Variants in CEP112 observed in about 807,000 individuals in gnomAD.
CEP112 encodes centrosomal protein of 112 kDa.
CEP112 carries 127 observed loss-of-function variants against 153.0 expected under a neutral mutation model. The ratio of observed to expected loss-of-function variants is 0.83; its 90% CI spans 0.72 to 0.96. The LOEUF (loss-of-function observed/expected upper bound fraction) is 0.96. CEP112 is among the 40% of genes least tolerant of loss of function. The probability of loss-of-function intolerance (pLI) is 0.00; values close to 1 mark genes in which losing one functional copy is unlikely to be tolerated. For missense variants in CEP112, 1,089 were observed against 1,101.2 expected (o/e 0.99, Z 0.16); for synonymous variants, 358 against 374.4 (o/e 0.96, Z 0.51).
intron 2 of CEP112, among the ~76,000 whole-genome samples, chr17:66,177,508 T>G (rs2072534242): frequency 6.6e-6 from 1 of 152,236 alleles, no homozygotes; most frequent in Admixed American, 6.5e-5. Context: ...AGGCATGTAA[T>G]GTATAATAGT....
At chr17:66,035,791 C>T (rs1432607148) in intron 12 of CEP112, among the ~76,000 whole-genome samples, 2 of 152,114 alleles carry the variant, frequency 1.3e-5, no homozygotes, top group Non-Finnish European at 2.9e-5. Context: ...AACTTTTGCT[C>T]CAAGAACCAC....
At chr17:65,649,295 G>A (rs2045618143) in intron 24 of CEP112, among the ~76,000 whole-genome samples, 1 of 152,234 alleles carries the variant, frequency 6.6e-6, no homozygotes, top group African/African-American at 2.4e-5. Context: ...ATTGTCTTTT[G>A]AGGAGCTGAG....
intron 17 of CEP112, among the ~76,000 whole-genome samples, chr17:65,969,691 G>A (rs1410985218): frequency 6.6e-6 from 1 of 152,120 alleles, no homozygotes; most frequent in African/African-American, 2.4e-5. Context: ...TGTATTGTAT[G>A]CATATTACAC....
chr17:66,017,924 C>G (rs543619638), intron 16 of CEP112, among the ~76,000 whole-genome samples: 1 of 151,404 alleles, frequency 6.6e-6, no homozygotes, highest in Non-Finnish European at 1.5e-5. Context: ...CTCTTGAACC[C>G]GAGAGGCAGA....
chr17:65,924,372 TGTATAA>T (rs2060845113), intron 19 of CEP112, among the ~76,000 whole-genome samples: 2 of 152,186 alleles, frequency 1.3e-5, no homozygotes, highest in Non-Finnish European at 2.9e-5. Context: ...TTTTTGCACA[TGTATAA>T]GTATTTCTAT....
intron 21 of CEP112, among the ~76,000 whole-genome samples, chr17:65,845,220 G>A (rs1184183660): frequency 1.3e-5 from 2 of 152,204 alleles, no homozygotes; most frequent in Non-Finnish European, 2.9e-5. Context: ...TTGGGAGGCT[G>A]AGGCAGGAGA....
At chr17:66,004,542 A>G (rs2064193207) in intron 17 of CEP112, among the ~76,000 whole-genome samples, 1 of 152,200 alleles carries the variant, frequency 6.6e-6, no homozygotes, top group Non-Finnish European at 1.5e-5. Context: ...ATTTGACTTA[A>G]TATCTAATGA....
chr17:66,180,852 C>T (rs1385838500), intron 2 of CEP112, among the ~76,000 whole-genome samples: 1 of 152,050 alleles, frequency 6.6e-6, no homozygotes, highest in South Asian at 2.1e-4. Flanking sequence ...GTTTTACCTA[C>T]AAAAATACAC....
At chr17:65,792,417 A>G (rs1598598608) in intron 21 of CEP112, among the ~76,000 whole-genome samples, 1 of 152,152 alleles carries the variant, frequency 6.6e-6, no homozygotes, top group Non-Finnish European at 1.5e-5. Context: ...TTCCTTAAAC[A>G]TGCTTTGTAG....
At chr17:66,175,682 C>T (rs1326030201) in intron 3 of CEP112, among the ~76,000 whole-genome samples, 1 of 152,096 alleles carries the variant, frequency 6.6e-6, no homozygotes, top group African/African-American at 2.4e-5. Context: ...AGTGAAAAAC[C>T]TGGGATTTAG....
At chr17:65,971,563 T>C (rs895515103) in intron 17 of CEP112, among the ~76,000 whole-genome samples, 5 of 152,192 alleles carry the variant, frequency 3.3e-5, no homozygotes, top group East Asian at 1.9e-4. Flanking sequence ...TACATGTGTG[T>C]TGTATGTATA....
chr17:66,027,374 C>CT, intron 16 of CEP112, 127 bp downstream of exon 16: 1 of 888,826 alleles, frequency 1.1e-6, no homozygotes, highest in South Asian at 2.0e-5. Context: ...AAGACTCTGT[C>CT]TAAAAAAAAA....
chr17:66,115,240 G>A (rs1227653575), intron 6 of CEP112, among the ~76,000 whole-genome samples: 2 of 152,104 alleles, frequency 1.3e-5, no homozygotes, highest in African/African-American at 4.8e-5. Flanking sequence ...AGGTATTGGA[G>A]AACAGGCAGA....
chr17:66,111,886 A>G (rs2069065992), intron 6 of CEP112, among the ~76,000 whole-genome samples: 1 of 152,222 alleles, frequency 6.6e-6, no homozygotes, highest in Non-Finnish European at 1.5e-5. Flanking sequence ...TGACCATTTT[A>G]AGAACTTCTC....
intron 17 of CEP112, among the ~76,000 whole-genome samples, chr17:65,969,800 C>A (rs1350251950): frequency 6.6e-6 from 1 of 151,634 alleles, no homozygotes; most frequent in African/African-American, 2.4e-5. Context: ...GCATGCGCAT[C>A]ACATGTATAT....
chr17:66,087,316 A>C (rs1014268954), intron 8 of CEP112, among the ~76,000 whole-genome samples: 2 of 152,178 alleles, frequency 1.3e-5, no homozygotes, highest in Non-Finnish European at 2.9e-5. Flanking sequence ...TTAAGTGATG[A>C]TTTCCTTTCA....
At chr17:65,705,510 G>T (rs993753572) in intron 23 of CEP112, among the ~76,000 whole-genome samples, 2 of 152,194 alleles carry the variant, frequency 1.3e-5, no homozygotes, top group Non-Finnish European at 2.9e-5. Flanking sequence ...ATCATAGAAA[G>T]TATGTGATAA....
intron 1 of CEP112, among the ~76,000 whole-genome samples, chr17:66,186,181 C>T (rs1036376130): frequency 3.3e-5 from 5 of 152,176 alleles, no homozygotes; most frequent in Non-Finnish European, 7.3e-5. Flanking sequence ...CCCAAAATCC[C>T]TCATGAGGCT....
intron 20 of CEP112, among the ~76,000 whole-genome samples, chr17:65,852,245 CCTTCCG>C: frequency 6.8e-5 from 1 of 14,718 alleles, no homozygotes. Flanking sequence ...TTCCTTCCTT[CCTTCCG>C]TTCCCTTTCC....
Sources: allele counts gnomAD v4.1 joint callset (sites outside exome capture counted in the v4.1 genomes callset), GRCh38; gene constraint gnomAD v4.1.1; transcripts MANE v1.5; gene names NCBI Gene and HGNC (gene_info 2026-07-23, HGNC 2026-07-21).